METTL24: variants seen among roughly 807,000 people sequenced by gnomAD.
METTL24 encodes probable methyltransferase-like protein 24.
METTL24 carries 29 observed loss-of-function variants against 32.7 expected under a neutral mutation model. The ratio of observed to expected loss-of-function variants is 0.89; its 90% CI spans 0.66 to 1.21. METTL24 has a LOEUF of 1.21. Among genes scored for constraint, METTL24 ranks in the 50% most tolerant of loss-of-function variants. METTL24 has a pLI of 0.00. For synonymous variants in METTL24, 163 were observed against 179.5 expected (o/e 0.91, Z 0.73); for missense variants, 439 against 468.1 (o/e 0.94, Z 0.57).
chr6:110,332,497 C>T (rs761586), intron 1 of METTL24: 468,522 of 978,688 alleles, frequency 0.48, 119,537 homozygotes, highest in East Asian at 0.94. Context: ...GTGGAAACTA[C>T]ACAGTGTCTG....
At chr6:110,271,738 C>A (rs918547857) in intron 4 of METTL24, among the ~76,000 whole-genome samples, 36 of 152,250 alleles carry the variant, frequency 2.4e-4, no homozygotes, top group African/African-American at 8.7e-4. Flanking sequence ...ATTATAAATG[C>A]ACAGTTCATA....
At chr6:110,260,873 A>T (rs1343179217) in intron 4 of METTL24, among the ~76,000 whole-genome samples, 1 of 152,210 alleles carries the variant, frequency 6.6e-6, no homozygotes, top group Non-Finnish European at 1.5e-5. Context: ...ACTAAGCTTC[A>T]TAAGTGAAGG....
In METTL24 at chr6:110,358,143, T is replaced by A. The variant is rs1772737824; in HGVS notation, c.130A>T (p.Ser44Cys). 8.6e-7 allele frequency: 1 copy of A among 1,157,308 alleles called. No individual in the cohort carries two copies. Among genetic ancestry groups the A allele is most frequent in the Non-Finnish European group, 1.1e-6 (1 of 941,562 alleles). The allele number at this position is 1,157,308 out of a possible 1,614,324, so 71.7% of individuals were successfully genotyped here. Reference protein sequence around the residue: ...RRAGPGSPTRSAPPGPAWRPP... With the variant: ...RRAGPGSPTRCAPPGPAWRPP... Reference sequence around the variant, plus strand: ...CGCCAGGCCGGGCCCGGCGGGGCGCTGCGGGTGGGGGACCCGGGCCCGGCG... The same window carrying A: ...CGCCAGGCCGGGCCCGGCGGGGCGCAGCGGGTGGGGGACCCGGGCCCGGCG... The change falls in exon 1 of 5, where the codon AGC becomes TGC. Residue 44 changes from serine (S) to cysteine (C), a missense_variant. Ser to Cys is a moderately radical substitution (Grantham distance 112, BLOSUM62 -1). Coordinates refer to ENST00000338882, the MANE Select transcript of METTL24 (RefSeq NM_001123364.3).
intron 1 of METTL24, among the ~76,000 whole-genome samples, chr6:110,329,455 G>C (rs1772074031): frequency 1.3e-5 from 2 of 149,644 alleles, no homozygotes; most frequent in African/African-American, 4.9e-5. Context: ...TCTGTTAGTG[G>C]GCAGGAAACA....
chr6:110,270,775 A>C lies in METTL24; in HGVS notation c.787-24515T>G, dbSNP rs1050075575. On this transcript the variant is annotated intron_variant, in intron 4 of 4. Coordinates refer to ENST00000338882, the MANE Select transcript of METTL24 (RefSeq NM_001123364.3). ...TCCATAAATGTCTTAAAAGAGACAA[A>C]TGAGTTCTAATTGTCTTGTCTTACA... is the stretch of plus-strand genomic sequence containing the variant. Among the ~76,000 whole-genome samples the C allele has an allele frequency of 4.6e-5, 7 of 151,924 alleles. No individual in the cohort carries two copies. In the East Asian group the frequency reaches 1.2e-3, roughly 25 times the overall value.
At chr6:110,290,545 C>T (rs1771300229) in intron 4 of METTL24, among the ~76,000 whole-genome samples, 2 of 152,142 alleles carry the variant, frequency 1.3e-5, no homozygotes, top group African/African-American at 2.4e-5. Flanking sequence ...GGTATTTCAT[C>T]CTATATGGAT....
At chr6:110,336,818 C>T (rs367648395) in intron 1 of METTL24, among the ~76,000 whole-genome samples, 11 of 151,770 alleles carry the variant, frequency 7.2e-5, no homozygotes, top group East Asian at 3.9e-4. Context: ...TATACACTGT[C>T]GGTGGGAGTG....
intron 4 of METTL24, among the ~76,000 whole-genome samples, chr6:110,250,245 T>C (rs76754850): frequency 0.063 from 9,590 of 151,988 alleles, 457 homozygotes; most frequent in South Asian, 0.16. Flanking sequence ...CTGAGAGCCA[T>C]GAGAGAGAAT....
chr6:110,282,615 C>A (rs1206774395), intron 4 of METTL24, among the ~76,000 whole-genome samples: 1 of 152,126 alleles, frequency 6.6e-6, no homozygotes, highest in Non-Finnish European at 1.5e-5. Flanking sequence ...CTGGGCACCA[C>A]GGCCCAATGC....
intron 4 of METTL24, among the ~76,000 whole-genome samples, chr6:110,259,505 A>T (rs554576663): frequency 6.6e-6 from 1 of 152,380 alleles, no homozygotes; most frequent in African/African-American, 2.4e-5. Context: ...CAGCTGAAGG[A>T]GGCCTGCCTG....
chr6:110,275,747 C>A (rs1771036116), intron 4 of METTL24, among the ~76,000 whole-genome samples: 2 of 152,046 alleles, frequency 1.3e-5, no homozygotes, highest in Admixed American at 1.3e-4. Context: ...TAAAAGCAAA[C>A]AACAACAAAA....
At chr6:110,246,303 C>G in intron 4 of METTL24, 43 bp from the exon 5 acceptor site, 1 of 1,504,050 alleles carries the variant, frequency 6.6e-7, no homozygotes, top group Non-Finnish European at 9.0e-7. Flanking sequence ...TTTAGTAAAA[C>G]TATCTTGATA....
rs1373662555 is a variant in METTL24 at position 110,245,760 on chromosome 6, C to G, written c.*186G>C. On this transcript the variant is annotated 3_prime_UTR_variant, in exon 5 of 5. Coordinates refer to ENST00000338882, the MANE Select transcript of METTL24 (RefSeq NM_001123364.3). Reference sequence around the variant, plus strand: ...CAAATAGGGGTGACTGTGTTTATCCCTTTAACAAGTATTGACTGTGCCCCA... The same window carrying G: ...CAAATAGGGGTGACTGTGTTTATCCGTTTAACAAGTATTGACTGTGCCCCA... 6.6e-6 allele frequency among the ~76,000 whole-genome samples: 1 copy of G among 152,110 alleles called. No homozygotes were observed. The highest frequency in any genetic ancestry group is 6.5e-5 in the Admixed American group (1 of 15,270).
chr6:110,353,222 A>G (rs1772643032), intron 1 of METTL24, among the ~76,000 whole-genome samples: 1 of 152,250 alleles, frequency 6.6e-6, no homozygotes, highest in Non-Finnish European at 1.5e-5. Flanking sequence ...TTTAAAATGA[A>G]AATGCTTTGC....
intron 1 of METTL24, among the ~76,000 whole-genome samples, chr6:110,340,763 A>G (rs1385534963): frequency 1.3e-5 from 2 of 152,212 alleles, no homozygotes; most frequent in Non-Finnish European, 2.9e-5. Flanking sequence ...TTATCTCCAC[A>G]GTACGGAGGA....
At chr6:110,350,924 G>C (rs1440868636) in intron 1 of METTL24, among the ~76,000 whole-genome samples, 1 of 152,004 alleles carries the variant, frequency 6.6e-6, no homozygotes, top group African/African-American at 2.4e-5. Flanking sequence ...CTGGCCAACA[G>C]AGTGAAACCC....
Position 110,244,265 on chromosome 6 carries a change from G to A in METTL24, c.*1681C>T, listed in dbSNP as rs1320727126. ...GGGTGGTAAATCATGTTTGAAGGCA[G>A]AAGAGGCAACAGCAAAGATACCCAG... On this transcript the variant is annotated 3_prime_UTR_variant, in exon 5 of 5. Coordinates refer to ENST00000338882, the MANE Select transcript of METTL24 (RefSeq NM_001123364.3). 6.6e-6 allele frequency among the ~76,000 whole-genome samples: 1 copy of A among 152,148 alleles called. No individual in the cohort carries two copies. The highest frequency in any genetic ancestry group is 1.5e-5 in the Non-Finnish European group (1 of 68,022).
chr6:110,342,659 A>G (rs1772382280), intron 1 of METTL24, among the ~76,000 whole-genome samples: 1 of 152,188 alleles, frequency 6.6e-6, no homozygotes, highest in Admixed American at 6.5e-5. Flanking sequence ...ATTCCAGAAT[A>G]CTTTCATCAC....
At chr6:110,256,730 A>G (rs1269610201) in intron 4 of METTL24, among the ~76,000 whole-genome samples, 3 of 152,202 alleles carry the variant, frequency 2.0e-5, no homozygotes, top group Non-Finnish European at 4.4e-5. Flanking sequence ...GCAGTTATCA[A>G]TTCCATTCTC....
Sources: allele counts gnomAD v4.1 joint callset (sites outside exome capture counted in the v4.1 genomes callset), GRCh38; gene constraint gnomAD v4.1.1; transcripts MANE v1.5; gene names NCBI Gene and HGNC (gene_info 2026-07-23, HGNC 2026-07-21).